AOX1: variants seen among roughly 807,000 people sequenced by gnomAD.
AOX1 encodes aldehyde oxidase.
In AOX1, 153 loss-of-function variants were observed where a neutral mutation model predicts 169.5. That is an observed-to-expected ratio of 0.90 (90% CI 0.79 to 1.03). The LOEUF is 1.03. Among genes scored for constraint, AOX1 ranks in the 50% least tolerant of loss-of-function variants. The pLI is 0.00. For missense variants in AOX1, 1,656 were observed against 1,663.9 expected, an observed-to-expected ratio of 1.00 and a Z score of 0.08; for synonymous variants, 562 against 581.9, an observed-to-expected ratio of 0.97 and a Z score of 0.49.
chr2:200,612,706 G>T lies in AOX1; in HGVS notation c.1361G>T (p.Gly454Val), dbSNP rs137857697. 4 of 1,614,090 alleles carry T rather than the reference G, an allele frequency of 2.5e-6. No homozygotes were observed. The highest frequency in any genetic ancestry group is 3.4e-6 in the Non-Finnish European group (4 of 1,180,002). ...AGAGTCTTTTTTGGAGAAGGGGATG[G>T]CATTATTAGAGAGTTATGCATCTCA... ...GMRVFFGEGD[G>V]IIRELCISYG... Residue 454 changes from glycine (G) to valine (V), a missense_variant, in exon 14 of 35, where the codon GGC becomes GTC. By Grantham distance (109) the Gly-to-Val change is moderately radical. Transcript: ENST00000374700.
At chr2:200,616,099 C>A in intron 16 of AOX1, 36 bp downstream of exon 16, 1 of 1,474,582 alleles carries the variant, frequency 6.8e-7, no homozygotes, top group Non-Finnish European at 9.5e-7. Flanking sequence ...AATTCACAAT[C>A]TGGGCTATAG....
intron 2 of AOX1, among the ~76,000 whole-genome samples, chr2:200,594,783 G>A (rs2034245535): frequency 6.6e-6 from 1 of 152,148 alleles, no homozygotes; most frequent in Non-Finnish European, 1.5e-5. Flanking sequence ...CTATTTCTAA[G>A]GAATTATGAG....
At chr2:200,600,940 C>T (rs1023738296) in intron 5 of AOX1, among the ~76,000 whole-genome samples, 2 of 151,974 alleles carry the variant, frequency 1.3e-5, no homozygotes, top group Non-Finnish European at 2.9e-5. Flanking sequence ...AACACCGGAT[C>T]GCACTGTGGG....
intron 29 of AOX1, among the ~76,000 whole-genome samples, chr2:200,660,302 C>T (rs1366356962): frequency 6.6e-6 from 1 of 152,216 alleles, no homozygotes; most frequent in African/African-American, 2.4e-5. Flanking sequence ...GATGGTTCTT[C>T]TGCCAGAACT....
At chr2:200,677,876 C>T (rs564800430), downstream of AOX1, among the ~76,000 whole-genome samples, 22 of 152,308 alleles carry the variant, frequency 1.4e-4, no homozygotes, top group African/African-American at 3.6e-4. Flanking sequence ...CCCTGCATGT[C>T]GCACACTCCA....
chr2:200,615,599 G>T (rs571440179), intron 15 of AOX1, among the ~76,000 whole-genome samples: 1 of 152,232 alleles, frequency 6.6e-6, no homozygotes, highest in Admixed American at 6.5e-5. Flanking sequence ...TGTTTTCCTG[G>T]CTTAAGTATT....
Position 200,636,963 on chromosome 2 carries a change from T to C in AOX1, c.2399T>C (p.Val800Ala), listed in dbSNP as rs369948718. 13 of 1,614,156 alleles carry C rather than the reference T, an allele frequency of 8.1e-6. No homozygotes were observed. The highest frequency in any genetic ancestry group is 1.0e-5 in the Non-Finnish European group (12 of 1,179,996). The change falls in exon 22 of 35, where the codon GTA (valine) becomes GCA (alanine). Residue 800 changes from valine to alanine, a missense_variant. By Grantham distance (64) the Val-to-Ala change is moderately conservative (BLOSUM62 0). Coordinates refer to ENST00000374700, the MANE Select transcript of AOX1 (RefSeq NM_001159.4). ...CCAGCTAACAAGGTCATGTGCCATG[T>C]AAGGCGTGTTGGTGGAGCGTTTGGA... ...KLPANKVMCH[V>A]RRVGGAFGGK... is the part of the protein sequence containing the mutation.
At chr2:200,652,564 G>A (rs1182777808) in intron 26 of AOX1, among the ~76,000 whole-genome samples, 1 of 152,188 alleles carries the variant, frequency 6.6e-6, no homozygotes, top group African/African-American at 2.4e-5. Flanking sequence ...GGTCAGCTGG[G>A]GCTGTCTGTC....
Position 200,642,698 on chromosome 2 carries a change from C to G in AOX1, c.2744C>G (p.Pro915Arg). 6.2e-7 allele frequency: 1 copy of G among 1,614,148 alleles called. No homozygotes were observed. The highest frequency in any genetic ancestry group is 8.5e-7 in the Non-Finnish European group (1 of 1,180,004). ...CRGWACRTNL[P>R]SNTAFRGFGF... ...GGTTGGGCATGCAGAACCAACCTTC[C>G]ATCCAACACAGCTTTTCGTGGGTTT... The change falls in exon 25 of 35, where the codon CCA (proline) becomes CGA (arginine). Residue 915 changes from proline (P) to arginine (R), a missense_variant. By Grantham distance (103) the Pro-to-Arg change is moderately radical. Transcript: ENST00000374700.
chr2:200,666,781 T>C lies in AOX1; in HGVS notation c.3609+29T>C, dbSNP rs778477366. On this transcript the variant is annotated intron_variant, in intron 32 of 34. Transcript: ENST00000374700. ...CGTGTAACTGATGTGTCTCACTTTC[T>C]ATTTGTAAAAGCCAAAAGTGCGGTG... 8.9e-6 allele frequency: 14 copies of C among 1,580,220 alleles called. No individual in the cohort carries two copies. In the South Asian group the frequency reaches 1.4e-4, roughly 16 times the overall value.
chr2:200,625,091 A>C lies in AOX1; in HGVS notation c.2124+1108A>C, dbSNP rs139435525. Among the ~76,000 whole-genome samples, 13 of 152,284 alleles carry C rather than the reference A, an allele frequency of 8.5e-5. No homozygotes were observed. The East Asian group carries it at 2.5e-3, about 29-fold the overall frequency. On this transcript the variant is annotated intron_variant, in intron 19 of 34. Transcript: ENST00000374700. ...TTCTTACATTTTAAAATAAAAATAA[A>C]ATCATGTCAAATAGACAAAAACGTA...
At chr2:200,624,237 T>G (rs1241375068) in intron 19 of AOX1, among the ~76,000 whole-genome samples, 1 of 152,234 alleles carries the variant, frequency 6.6e-6, no homozygotes, top group African/African-American at 2.4e-5. Flanking sequence ...CAACCTGGAC[T>G]TCCTTGTTCA....
chr2:200,658,743 C>T (rs748673727), intron 27 of AOX1, among the ~76,000 whole-genome samples: 7 of 152,222 alleles, frequency 4.6e-5, no homozygotes, highest in Non-Finnish European at 8.8e-5. Context: ...TCATAGGAAG[C>T]ACTCTTTCCC....
Position 200,599,761 on chromosome 2 carries a change from C to A in AOX1, c.436+15C>A. 1 of 1,474,882 alleles carries A rather than the reference C, an allele frequency of 6.8e-7. No individual in the cohort carries two copies. Among genetic ancestry groups the A allele is most frequent in the Non-Finnish European group, 9.0e-7 (1 of 1,113,458 alleles). The allele number at this position is 1,474,882 out of a possible 1,614,324, so 91.4% of individuals were successfully genotyped here. A position where few individuals can be genotyped will look rare whatever the true frequency, so the allele number is the denominator to read the frequency against. On this transcript the variant is annotated intron_variant, in intron 5 of 34. Transcript: ENST00000374700. ...TGCCCTTGGTGGTAGGTTATATATG[C>A]ATGCTTTTATTTTTTAATTTTTATT... is the stretch of plus-strand genomic sequence containing the variant.
intron 32 of AOX1, among the ~76,000 whole-genome samples, chr2:200,667,136 C>T (rs2035937282): frequency 6.6e-6 from 1 of 152,134 alleles, no homozygotes; most frequent in Non-Finnish European, 1.5e-5. Context: ...CTCAAGTCAT[C>T]AGAGCAGTAG....
chr2:200,616,034 A>G lies in AOX1; in HGVS notation c.1675A>G (p.Lys559Glu). The change falls in exon 16 of 35, where the codon AAA becomes GAA. Residue 559 changes from lysine to glutamate, a missense_variant. By Grantham distance (56) the Lys-to-Glu change is moderately conservative (BLOSUM62 1). Transcript: ENST00000374700. ...YESALEDLHS[K>E]HHCSTLKYQN... ...AAGTGCTTTAGAAGATCTTCATTCCAAACATCACTGCAGTACATTAAAGTA... is the reference window on the plus strand; with the variant it reads ...AAGTGCTTTAGAAGATCTTCATTCCGAACATCACTGCAGTACATTAAAGTA... 2 of 1,613,806 alleles carry G rather than the reference A, an allele frequency of 1.2e-6. No homozygotes were observed. Among genetic ancestry groups the G allele is most frequent in the Non-Finnish European group, 1.7e-6 (2 of 1,179,704 alleles).
intron 4 of AOX1, among the ~76,000 whole-genome samples, chr2:200,599,376 G>T (rs368165774): frequency 6.6e-6 from 1 of 152,260 alleles, no homozygotes; most frequent in South Asian, 2.1e-4. Context: ...AACACTGTCC[G>T]GGTGATTCTC....
chr2:200,670,424 G>T (rs2036004573), intron 34 of AOX1, among the ~76,000 whole-genome samples: 1 of 152,076 alleles, frequency 6.6e-6, no homozygotes, highest in African/African-American at 2.4e-5. Context: ...CTTTTCACTG[G>T]GTGGTCTTCA....
At chr2:200,595,045 G>T (rs1443637277) in intron 2 of AOX1, among the ~76,000 whole-genome samples, 1 of 152,102 alleles carries the variant, frequency 6.6e-6, no homozygotes, top group Non-Finnish European at 1.5e-5. Context: ...ACGTCCAGTT[G>T]TTTTCAAAGG....
Sources: allele counts gnomAD v4.1 joint callset (sites outside exome capture counted in the v4.1 genomes callset), GRCh38; gene constraint gnomAD v4.1.1; transcripts MANE v1.5; gene names NCBI Gene and HGNC (gene_info 2026-07-23, HGNC 2026-07-21).